The following FAM135A variants were observed in gnomAD, a reference collection of about 807,000 sequenced individuals.
The protein encoded by FAM135A is protein FAM135A.
Under a neutral mutation model 146.8 loss-of-function variants are expected in FAM135A, and 79 were observed. The observed-to-expected ratio is 0.54, with a 90% confidence interval of 0.45 to 0.65. The LOEUF is 0.65. Among genes scored for constraint, FAM135A ranks in the 30% least tolerant of loss-of-function variants. The pLI, the probability that FAM135A is intolerant of heterozygous loss-of-function variation, is 0.00. For synonymous variants in FAM135A, 562 were observed against 603.6 expected, an observed-to-expected ratio of 0.93 and a Z score of 1.01; for missense variants, 1,623 against 1,758.2, an observed-to-expected ratio of 0.92 and a Z score of 1.38.
chr6:70,493,677 T>C (rs1202109043), intron 11 of FAM135A, among the ~76,000 whole-genome samples: 3 of 152,190 alleles, frequency 2.0e-5, no homozygotes, highest in Non-Finnish European at 4.4e-5. Flanking sequence ...CATAATATTG[T>C]AAAAATGTTT....
At chr6:70,446,176 G>T (rs910531033) in intron 4 of FAM135A, among the ~76,000 whole-genome samples, 1 of 152,160 alleles carries the variant, frequency 6.6e-6, no homozygotes, top group Non-Finnish European at 1.5e-5. Flanking sequence ...CAAGTTTGTG[G>T]AGTGTCCTTC....
chr6:70,547,344 A>T (rs1388489524), intron 20 of FAM135A, among the ~76,000 whole-genome samples: 1 of 152,250 alleles, frequency 6.6e-6, no homozygotes, highest in Non-Finnish European at 1.5e-5. Flanking sequence ...AAATTTATTT[A>T]AAATGAGTAA....
At chr6:70,450,707 CT>C (rs1241114738) in intron 4 of FAM135A, among the ~76,000 whole-genome samples, 1 of 91,400 alleles carries the variant, frequency 1.1e-5, no homozygotes, top group Non-Finnish European at 2.3e-5. Flanking sequence ...GAGTGTGACC[CT>C]TTTAGTTGTT....
intron 2 of FAM135A, among the ~76,000 whole-genome samples, chr6:70,420,468 TC>T (rs1258334460): frequency 1.3e-5 from 2 of 152,210 alleles, no homozygotes; most frequent in African/African-American, 4.8e-5. Context: ...TTTCCAGATA[TC>T]CATGCCTGGA....
At chr6:70,474,607 A>G (rs1173891529) in intron 5 of FAM135A, among the ~76,000 whole-genome samples, 1 of 152,186 alleles carries the variant, frequency 6.6e-6, no homozygotes, top group Non-Finnish European at 1.5e-5. Context: ...TCAAATCAGA[A>G]TCTGTATAGG....
intron 2 of FAM135A, among the ~76,000 whole-genome samples, chr6:70,417,253 C>T (rs1207337249): frequency 6.6e-6 from 1 of 151,202 alleles, no homozygotes; most frequent in Admixed American, 6.6e-5. Context: ...TGATAATAGA[C>T]TGGGACTTTT....
At chr6:70,493,519 T>C (rs919358109) in intron 11 of FAM135A, among the ~76,000 whole-genome samples, 3 of 152,204 alleles carry the variant, frequency 2.0e-5, no homozygotes, top group African/African-American at 7.2e-5. Flanking sequence ...TATAACATAT[T>C]ATAATGCGTC....
intron 9 of FAM135A, among the ~76,000 whole-genome samples, chr6:70,481,433 G>A (rs1395021559): frequency 6.6e-6 from 1 of 152,122 alleles, no homozygotes; most frequent in Non-Finnish European, 1.5e-5. Flanking sequence ...AGGATTGCTT[G>A]AGGCCAAGAG....
At chr6:70,473,172 T>G (rs1282425962) in intron 5 of FAM135A, among the ~76,000 whole-genome samples, 3 of 152,228 alleles carry the variant, frequency 2.0e-5, no homozygotes, top group Non-Finnish European at 4.4e-5. Flanking sequence ...AGCTAGCTTC[T>G]ATGCCCTTTT....
chr6:70,541,254 C>T (rs1207615685), intron 20 of FAM135A, among the ~76,000 whole-genome samples: 1 of 152,024 alleles, frequency 6.6e-6, no homozygotes, highest in African/African-American at 2.4e-5. Context: ...CCCCTTTCCC[C>T]TTTTTCTGAG....
intron 4 of FAM135A, among the ~76,000 whole-genome samples, chr6:70,429,188 G>A (rs1007114021): frequency 4.6e-5 from 7 of 152,132 alleles, no homozygotes; most frequent in Admixed American, 1.3e-4. Context: ...TGAATCAAGT[G>A]TTGGAAATAG....
chr6:70,444,066 G>T (rs375276940), intron 4 of FAM135A, among the ~76,000 whole-genome samples: 3 of 151,908 alleles, frequency 2.0e-5, no homozygotes, highest in Non-Finnish European at 4.4e-5. Flanking sequence ...TTTTTTTATC[G>T]CTTACTTCAT....
At chr6:70,433,016 A>G (rs1772035975) in intron 4 of FAM135A, among the ~76,000 whole-genome samples, 1 of 152,038 alleles carries the variant, frequency 6.6e-6, no homozygotes, top group Admixed American at 6.6e-5. Flanking sequence ...TTACAAAAAT[A>G]AGTTTTTAAA....
At chr6:70,541,219 G>A (rs1031554307) in intron 20 of FAM135A, among the ~76,000 whole-genome samples, 1 of 151,928 alleles carries the variant, frequency 6.6e-6, no homozygotes, top group African/African-American at 2.4e-5. Context: ...AAATATTTCT[G>A]TTGATCTCTT....
intron 21 of FAM135A, chr6:70,557,206 G>A: frequency 2.5e-6 from 1 of 392,998 alleles, no homozygotes; most frequent in East Asian, 3.7e-5. Flanking sequence ...GTGGCAGCAA[G>A]GATTTGCCCC....
intron 4 of FAM135A, among the ~76,000 whole-genome samples, chr6:70,449,355 C>T (rs1288146418): frequency 2.6e-5 from 4 of 152,126 alleles, no homozygotes; most frequent in Admixed American, 2.0e-4. Context: ...AAACTTACTA[C>T]TCCTGTCCAA....
Position 70,536,333 on chromosome 6 carries a change from A to G in FAM135A, c.4039A>G (p.Asn1347Asp), listed in dbSNP as rs1447020629. ...AAGGCCAAGGTTTAAATATTACCTC[A>G]ACAAACTTCATACCTTTCTGTCTCT... ...LTRPRFKYYL[N>D]KLHTFLSLSG... The change falls in exon 19 of 22, where the codon AAC (asparagine) becomes GAC (aspartate). Residue 1347 changes from asparagine (N) to aspartate (D), a missense_variant. By Grantham distance (23) the Asn-to-Asp change is conservative. Transcript: ENST00000418814. 1.2e-5 allele frequency: 19 copies of G among 1,613,506 alleles called. No individual in the cohort carries two copies. The highest frequency in any genetic ancestry group is 1.5e-5 in the Non-Finnish European group (18 of 1,179,722).
chr6:70,541,144 C>T (rs1021973304), intron 20 of FAM135A, among the ~76,000 whole-genome samples: 1 of 152,192 alleles, frequency 6.6e-6, no homozygotes, highest in Admixed American at 6.5e-5. Flanking sequence ...AACTCTTACT[C>T]TTTCAGTAAT....
At chr6:70,548,127 C>T (rs1799183826) in intron 20 of FAM135A, among the ~76,000 whole-genome samples, 1 of 152,154 alleles carries the variant, frequency 6.6e-6, no homozygotes, top group Non-Finnish European at 1.5e-5. Flanking sequence ...CACTGCTCCT[C>T]TGGAGCTTGC....
Sources: gnomAD v4.1 joint callset for allele counts (sites outside exome capture counted in the v4.1 genomes callset) on GRCh38, gnomAD v4.1.1 for gene constraint, MANE v1.5 for transcripts, NCBI Gene and HGNC (gene_info 2026-07-23, HGNC 2026-07-21) for gene names.